The following CPLANE1 variants were observed in gnomAD, a reference collection of about 807,000 sequenced individuals.
CPLANE1 encodes the protein ciliogenesis and planar polarity effector 1.
In CPLANE1, 263 loss-of-function variants were observed where a neutral mutation model predicts 362.5. The observed-to-expected ratio is 0.73, with a 90% CI of 0.66 to 0.80. The LOEUF is 0.80. CPLANE1 is among the 30% of genes least tolerant of loss of function. The pLI, the probability that CPLANE1 is intolerant of heterozygous loss-of-function variation, is 0.00. For synonymous variants in CPLANE1, 1,212 were observed against 1,302.6 expected (o/e 0.93, Z 1.50); for missense variants, 3,461 against 3,793.4 (o/e 0.91, Z 2.30).
intron 41 of CPLANE1, among the ~76,000 whole-genome samples, chr5:37,154,459 C>CTTTT (rs35522666): frequency 0.023 from 1,937 of 84,472 alleles, 302 homozygotes; most frequent in African/African-American, 0.1. Flanking sequence ...TGCAATAGTT[C>CTTTT]TTTTTTTTTT....
the CPLANE1 span, among the ~76,000 whole-genome samples, chr5:37,081,156 A>C: frequency 6.6e-6 from 1 of 152,216 alleles, no homozygotes; most frequent in Non-Finnish European, 1.5e-5. Flanking sequence ...TAAATAAATA[A>C]ATAAATAACC....
the CPLANE1 span, among the ~76,000 whole-genome samples, chr5:37,096,223 AAAG>A: frequency 4.6e-4 from 70 of 152,328 alleles, no homozygotes; most frequent in Non-Finnish European, 9.0e-4. Context: ...CTGGTATAAA[AAAG>A]AATAGAGAAA....
intron 4 of CPLANE1, among the ~76,000 whole-genome samples, chr5:37,245,138 C>T (rs1443166266): frequency 5.4e-5 from 8 of 147,154 alleles, no homozygotes; most frequent in East Asian, 3.9e-4. Context: ...AGCGAGACTC[C>T]GTCTCAAAAA....
intron 35 of CPLANE1, 24 bp from the exon 36 acceptor site, chr5:37,165,695 C>T: frequency 6.3e-7 from 1 of 1,578,150 alleles, no homozygotes; most frequent in East Asian, 2.3e-5. Flanking sequence ...TAGCATAAAA[C>T]ATACTTTTAC....
chr5:37,192,333 T>C (rs1204539119), intron 21 of CPLANE1, among the ~76,000 whole-genome samples: 2 of 152,124 alleles, frequency 1.3e-5, no homozygotes, highest in African/African-American at 2.4e-5. Context: ...CTTGAACTCC[T>C]AGGCTCAAGC....
intron 36 of CPLANE1, 41 bp downstream of exon 36, chr5:37,165,498 A>G: frequency 1.3e-6 from 2 of 1,595,690 alleles, no homozygotes; most frequent in Non-Finnish European, 1.7e-6. Flanking sequence ...AACTCAGTGT[A>G]CATGCAAACC....
rs1435930951 is a variant in CPLANE1, at chr5:37,231,053, T to C, written c.939-4A>G. 1 of 1,512,906 alleles carries C rather than the reference T, an allele frequency of 6.6e-7. No homozygotes were observed. Among genetic ancestry groups the C allele is most frequent in the Non-Finnish European group, 8.8e-7 (1 of 1,130,204 alleles). 93.7% of individuals were successfully genotyped at this position (1,512,906 alleles called of 1,614,324 possible). A position where few individuals can be genotyped will look rare whatever the true frequency, so the allele number is the denominator to read the frequency against. On this transcript the variant is annotated splice_polypyrimidine_tract_variant and splice_region_variant and intron_variant, in intron 8 of 52. Coordinates refer to ENST00000651892, the MANE Select transcript of CPLANE1 (RefSeq NM_001384732.1). ...GATATCACCTACCCAGTAGGACCTATAATAAATAAGAGACAACATGTTTAG... is the reference window on the plus strand; with the variant it reads ...GATATCACCTACCCAGTAGGACCTACAATAAATAAGAGACAACATGTTTAG...
the CPLANE1 span, among the ~76,000 whole-genome samples, chr5:37,080,147 C>T: frequency 6.6e-6 from 1 of 152,164 alleles, no homozygotes; most frequent in East Asian, 1.9e-4. Flanking sequence ...CCTGCCTTAA[C>T]CGTAAAATTG....
intron 8 of CPLANE1, among the ~76,000 whole-genome samples, chr5:37,231,252 A>G (rs912315048): frequency 1.3e-5 from 2 of 152,240 alleles, no homozygotes; most frequent in Admixed American, 6.5e-5. Flanking sequence ...TATTTCAACA[A>G]TATTCCAATT....
Position 37,187,060 on chromosome 5 carries a change from C to CAAAAAAAAAAAAAAAAAAAAA in CPLANE1, c.4080+333_4080+353dup, listed in dbSNP as rs61112118. On this transcript the variant is annotated intron_variant, in intron 23 of 52. Transcript: ENST00000651892. ...TGGGTGACAGAGCGAGACTCCGTCT[C>CAAAAAAAAAAAAAAAAAAAAA]AAAAAAAAAAAAAAAAAAAAAAAAA... Among the ~76,000 whole-genome samples, 9 of 50,404 alleles carry CAAAAAAAAAAAAAAAAAAAAA rather than the reference C, an allele frequency of 1.8e-4. 1 individual carries two copies. The highest frequency in any genetic ancestry group is 8.2e-4 in the African/African-American group (9 of 11,002). 33.1% of individuals were successfully genotyped at this position (50,404 alleles called of 152,430 possible). A position where few individuals can be genotyped will look rare whatever the true frequency, so the allele number is the denominator to read the frequency against.
At position 37,107,766 on chromosome 5, in the gene CPLANE1, T is replaced by C. The variant is rs1437586068; in HGVS notation, c.9592A>G (p.Thr3198Ala). The change falls in exon 53 of 53, where the codon ACT (threonine) becomes GCT (alanine). Residue 3198 changes from threonine to alanine, a missense_variant. Coordinates refer to ENST00000651892, the MANE Select transcript of CPLANE1 (RefSeq NM_001384732.1). Reference sequence around the variant, plus strand: ...GGATGCTCTGGCTCTTCCTCTTCAGTTGGAGACAAGTCCTATTAAATTGAA... The same window carrying C: ...GGATGCTCTGGCTCTTCCTCTTCAGCTGGAGACAAGTCCTATTAAATTGAA... ...HNSLLQDLSP[T>A]EEEEPEHPFG... 14 of 1,608,374 alleles carry C rather than the reference T, an allele frequency of 8.7e-6. No homozygotes were observed. In the South Asian group the frequency reaches 1.0e-4, roughly 11 times the overall value.
intron 41 of CPLANE1, among the ~76,000 whole-genome samples, chr5:37,156,026 T>G (rs1774999342): frequency 6.6e-6 from 1 of 152,250 alleles, no homozygotes; most frequent in Non-Finnish European, 1.5e-5. Context: ...TCTGAAATGC[T>G]GGCACTTGTT....
chr5:37,163,612 C>T (rs900886513), intron 37 of CPLANE1, among the ~76,000 whole-genome samples: 3 of 152,162 alleles, frequency 2.0e-5, no homozygotes, highest in Admixed American at 6.5e-5. Context: ...ATTTGGTCTA[C>T]AAAGACCCAG....
Position 37,224,259 on chromosome 5 carries a change from C to T in CPLANE1, c.2575G>A (p.Glu859Lys), listed in dbSNP as rs1795983783. The change falls in exon 14 of 53, where the codon GAG (glutamate) becomes AAG (lysine). Residue 859 changes from glutamate (E) to lysine (K), a missense_variant. Physicochemically the swap from Glu to Lys is moderately conservative, Grantham distance 56. Transcript: ENST00000651892. ...LWKKALQEIE[E>K]KGGRRTYFLQ... ...TTTTTTAACACTCTCTTACCTTTCTCTTCGATTTCTTGTAGAGCTTTTTTC... is the reference window on the plus strand; with the variant it reads ...TTTTTTAACACTCTCTTACCTTTCTTTTCGATTTCTTGTAGAGCTTTTTTC... 1 of 1,546,030 alleles carries T rather than the reference C, an allele frequency of 6.5e-7. No individual in the cohort carries two copies. Among genetic ancestry groups the T allele is most frequent in the Non-Finnish European group, 8.7e-7 (1 of 1,143,242 alleles).
chr5:37,148,371 T>A, intron 42 of CPLANE1, 103 bp from the exon 43 acceptor site: 1 of 732,636 alleles, frequency 1.4e-6, no homozygotes, highest in Admixed American at 3.1e-5. Flanking sequence ...AATGCAAAAG[T>A]GAAAAAAATG....
intron 41 of CPLANE1, among the ~76,000 whole-genome samples, chr5:37,156,646 T>G (rs1304241257): frequency 6.6e-6 from 1 of 152,056 alleles, no homozygotes; most frequent in Non-Finnish European, 1.5e-5. Context: ...TATTAAAAAT[T>G]TTAAATATAT....
intron 19 of CPLANE1, among the ~76,000 whole-genome samples, chr5:37,199,130 A>G (rs1270909361): frequency 6.6e-6 from 1 of 150,698 alleles, no homozygotes; most frequent in African/African-American, 2.4e-5. Context: ...AAGATAGGCT[A>G]ATGATGCTCA....
chr5:37,115,010 G>C lies in CPLANE1; in HGVS notation c.9350C>G (p.Ala3117Gly). 6 of 1,610,982 alleles carry C rather than the reference G, an allele frequency of 3.7e-6. No individual in the cohort carries two copies. Among genetic ancestry groups the C allele is most frequent in the Non-Finnish European group, 5.1e-6 (6 of 1,178,204 alleles). ...CGTAGCCTTTCTTACTGCTGCTTTG[G>C]CTCCACCAGCTTTTTTCTGTATGGT... ...TFTIQKKAGG[A>G]KAAVRKATQS... The change falls in exon 51 of 53, where the codon GCC becomes GGC. Residue 3117 changes from alanine (A) to glycine (G), a missense_variant. Around this residue, in one of 2 missense-constraint regions of CPLANE1, gnomAD observed 3,380 missense variants for 3,666.1 expected, o/e 0.92. Transcript: ENST00000651892.
intron 42 of CPLANE1, among the ~76,000 whole-genome samples, chr5:37,152,303 A>G (rs927814558): frequency 3.3e-5 from 5 of 152,108 alleles, no homozygotes; most frequent in African/African-American, 1.2e-4. Flanking sequence ...CAGCCTCCCA[A>G]GTAGCTAGGA....
Sources: allele counts gnomAD v4.1 joint callset (sites outside exome capture counted in the v4.1 genomes callset), GRCh38; gene constraint gnomAD v4.1.1; regional missense constraint gnomAD v4.1.1; transcripts MANE v1.5; gene names NCBI Gene and HGNC (gene_info 2026-07-23, HGNC 2026-07-21).